Variants in TNKS observed in about 807,000 individuals in gnomAD.
The protein encoded by TNKS is poly [ADP-ribose] polymerase tankyrase-1.
TNKS carries 72 observed loss-of-function variants against 135.8 expected under a neutral mutation model. The observed-to-expected ratio is 0.53, with a 90% CI of 0.44 to 0.64. The LOEUF is 0.64. TNKS is among the 30% of genes least tolerant of loss of function. TNKS has a pLI of 0.00. For missense variants in TNKS, 1,769 were observed against 1,674.0 expected (o/e 1.06, Z -0.99); for synonymous variants, 849 against 649.3 (o/e 1.31, Z -4.68).
intron 3 of TNKS, among the ~76,000 whole-genome samples, chr8:9,659,707 C>A (rs1245198290): frequency 2.6e-5 from 4 of 152,202 alleles, no homozygotes; most frequent in Admixed American, 2.0e-4. Context: ...CATTCAAAAG[C>A]TAGCAGAAGG....
intron 2 of TNKS, among the ~76,000 whole-genome samples, chr8:9,593,170 G>A (rs1190907359): frequency 1.3e-5 from 2 of 152,158 alleles, no homozygotes; most frequent in Admixed American, 1.3e-4. Context: ...AAGTTGCTGT[G>A]GATAGTTGAT....
At chr8:9,588,755 C>T (rs1421361166) in intron 2 of TNKS, among the ~76,000 whole-genome samples, 1 of 152,164 alleles carries the variant, frequency 6.6e-6, no homozygotes, top group Admixed American at 6.5e-5. Context: ...GTTTCTGAAA[C>T]ACGTGGCCAT....
At chr8:9,708,690 C>T (rs1321271746) in intron 9 of TNKS, among the ~76,000 whole-genome samples, 198 bp downstream of exon 9, 1 of 152,026 alleles carries the variant, frequency 6.6e-6, no homozygotes, top group African/African-American at 2.4e-5. Context: ...GACATTTGCT[C>T]AACCTCAATT....
At chr8:9,722,310 A>G (rs1804927320) in intron 12 of TNKS, 1 of 152,142 alleles carries the variant, frequency 6.6e-6, no homozygotes, top group Admixed American at 6.5e-5. Context: ...GTATATTGTT[A>G]TAGGAAGATC....
At chr8:9,557,917 G>A (rs1359249853) in intron 1 of TNKS, 1 of 152,178 alleles carries the variant, frequency 6.6e-6, no homozygotes, top group African/African-American at 2.4e-5. Flanking sequence ...TGATTTTAGA[G>A]CTTGTGAAAT....
chr8:9,755,553 A>G (rs899004427), intron 20 of TNKS, among the ~76,000 whole-genome samples: 1 of 152,232 alleles, frequency 6.6e-6, no homozygotes, highest in Non-Finnish European at 1.5e-5. Flanking sequence ...GCCTTCCATT[A>G]TAAATAAATT....
chr8:9,676,154 A>C (rs1802525060), intron 3 of TNKS, among the ~76,000 whole-genome samples: 1 of 151,878 alleles, frequency 6.6e-6, no homozygotes, highest in African/African-American at 2.4e-5. Context: ...CTGGAATTAC[A>C]GCATCCACCA....
Position 9,766,435 on chromosome 8 carries a change from T to G in TNKS, c.3740+10T>G. On this transcript the variant is annotated intron_variant, in intron 25 of 26. Transcript: ENST00000310430. ...GCTATATATGTCACAGGTAAGCATC[T>G]TGCCATTAGTGTAACGTTTCCCACC... The G allele has an allele frequency of 2.0e-6, 3 of 1,532,648 alleles. No homozygotes were observed. The highest frequency in any genetic ancestry group is 2.6e-6 in the Non-Finnish European group (3 of 1,134,306). 94.9% of individuals were successfully genotyped at this position (1,532,648 alleles called of 1,614,324 possible).
intron 17 of TNKS, 57 bp from the exon 18 acceptor site, chr8:9,747,967 G>A: frequency 6.7e-7 from 1 of 1,494,458 alleles, no homozygotes; most frequent in African/African-American, 1.4e-5. Context: ...TATACACAAT[G>A]GTGCTTTACC....
chr8:9,694,467 A>ACCTC, intron 5 of TNKS, among the ~76,000 whole-genome samples: 1 of 152,208 alleles, frequency 6.6e-6, no homozygotes, highest in South Asian at 2.1e-4. Context: ...TTTCTTTCAA[A>ACCTC]AAGTATTGTC....
intron 11 of TNKS, among the ~76,000 whole-genome samples, chr8:9,715,161 C>T (rs1804543505): frequency 6.6e-6 from 1 of 151,966 alleles, no homozygotes; most frequent in Non-Finnish European, 1.5e-5. Flanking sequence ...ATTACTTAGA[C>T]CGTTTTTATA....
At chr8:9,713,867 T>C (rs550515911) in intron 11 of TNKS, among the ~76,000 whole-genome samples, 39 of 152,290 alleles carry the variant, frequency 2.6e-4, no homozygotes, top group African/African-American at 8.7e-4. Flanking sequence ...AGTATTTCTT[T>C]CTGAGGAACT....
intron 3 of TNKS, among the ~76,000 whole-genome samples, chr8:9,673,080 G>A (rs558963158): frequency 7.9e-5 from 12 of 151,770 alleles, no homozygotes; most frequent in South Asian, 2.1e-4. Context: ...TTTTTTGGCC[G>A]ATGTGTATTT....
rs193041079 is a variant in TNKS, at chr8:9,599,336, T to G, written c.899-16246T>G. Among the ~76,000 whole-genome samples, 4 of 152,332 alleles carry G rather than the reference T, an allele frequency of 2.6e-5. No homozygotes were observed. In the East Asian group the frequency reaches 7.7e-4, roughly 29 times the overall value. ...GAGAGTGTTTATTGAGTTCTTGTTA[T>G]GTGCAAAGAGCCAAGCCGAGTTTGT... On this transcript the variant is annotated intron_variant, in intron 2 of 26. Coordinates refer to ENST00000310430, the MANE Select transcript of TNKS (RefSeq NM_003747.3).
chr8:9,688,882 C>A (rs752183630), intron 5 of TNKS, among the ~76,000 whole-genome samples: 1 of 152,138 alleles, frequency 6.6e-6, no homozygotes, highest in Admixed American at 6.5e-5. Context: ...CTCAGGTGAT[C>A]CACCCACCTC....
intron 21 of TNKS, among the ~76,000 whole-genome samples, chr8:9,762,169 T>A (rs143388108): frequency 4.6e-5 from 7 of 152,308 alleles, no homozygotes; most frequent in African/African-American, 1.7e-4. Flanking sequence ...ACTGTCAGCT[T>A]TGTCTTTTTC....
At chr8:9,564,885 TC>T (rs1797466137) in intron 1 of TNKS, among the ~76,000 whole-genome samples, 1 of 152,148 alleles carries the variant, frequency 6.6e-6, no homozygotes, top group Non-Finnish European at 1.5e-5. Flanking sequence ...AAAGAAACAT[TC>T]AGAAATGGAC....
At chr8:9,618,104 A>C (rs1799719584) in intron 3 of TNKS, among the ~76,000 whole-genome samples, 1 of 150,110 alleles carries the variant, frequency 6.7e-6, no homozygotes, top group Non-Finnish European at 1.5e-5. Flanking sequence ...CTTCTGCCTC[A>C]GCCTCCCGAG....
chr8:9,691,798 CATTTT>C (rs1178548325), intron 5 of TNKS, among the ~76,000 whole-genome samples: 33 of 152,122 alleles, frequency 2.2e-4, no homozygotes, highest in South Asian at 1.7e-3. Context: ...TATGCTATGT[CATTTT>C]ATTTTATTTA....
Sources: gnomAD v4.1 joint callset for allele counts (sites outside exome capture counted in the v4.1 genomes callset) on GRCh38, gnomAD v4.1.1 for gene constraint, MANE v1.5 for transcripts, NCBI Gene and HGNC (gene_info 2026-07-23, HGNC 2026-07-21) for gene names.